The following PDE6D variants were observed in gnomAD, a reference collection of about 807,000 sequenced individuals.
PDE6D encodes retinal rod rhodopsin-sensitive cGMP 3',5'-cyclic phosphodiesterase subunit delta.
A neutral mutation model predicts 21.9 loss-of-function variants in PDE6D; 10 were observed. That is an observed-to-expected ratio of 0.46 (90% CI 0.28 to 0.78). PDE6D has a LOEUF of 0.78. Ranked by LOEUF, PDE6D falls within the 30% of genes least tolerant of loss-of-function variation. The pLI is 0.12. For synonymous variants in PDE6D, 59 were observed against 63.5 expected (o/e 0.93, Z 0.34); for missense variants, 139 against 184.8 (o/e 0.75, Z 1.44).
At chr2:231,770,027 A>G (rs1405026802) in intron 1 of PDE6D, among the ~76,000 whole-genome samples, 1 of 152,252 alleles carries the variant, frequency 6.6e-6, no homozygotes, top group East Asian at 1.9e-4. Flanking sequence ...AAGCCAGGAC[A>G]TGTTTGTTTA....
intron 4 of PDE6D, among the ~76,000 whole-genome samples, chr2:231,735,273 C>A: frequency 6.8e-6 from 1 of 146,988 alleles, no homozygotes; most frequent in African/African-American, 2.5e-5. Context: ...ACTTTTAAAA[C>A]TATTAAAACT....
rs529114127 is a variant in PDE6D, at chr2:231,733,506, T to G, written c.372-473A>C. ...GCCTTTGGGTAACAGCACCTTGCTC[T>G]TCATTTGGGAACCACCCTTCCTCCA... On this transcript the variant is annotated intron_variant, in intron 4 of 4. Transcript: ENST00000287600. 1.7e-4 allele frequency among the ~76,000 whole-genome samples: 26 copies of G among 152,288 alleles called. No individual in the cohort carries two copies. In the South Asian group the frequency reaches 5.4e-3, roughly 32 times the overall value.
At position 231,739,363 on chromosome 2, in the gene PDE6D, G is replaced by A; in HGVS notation, c.51-175C>T. 1.4e-6 allele frequency: 1 copy of A among 731,818 alleles called. No homozygotes were observed. Among genetic ancestry groups the A allele is most frequent in the Non-Finnish European group, 2.5e-6 (1 of 396,770 alleles). 45.3% of individuals were successfully genotyped at this position (731,818 alleles called of 1,614,324 possible). On this transcript the variant is annotated intron_variant, in intron 1 of 4. Transcript: ENST00000287600. The surrounding 1 kb of genome is among the most constrained non-coding windows in gnomAD (Gnocchi z 4.2). ...AGGAGAGTCAAAAAGACATCTAAAGGAAGAAGCAGAAACCTAGAGAAGTTA... is the reference window on the plus strand; with the variant it reads ...AGGAGAGTCAAAAAGACATCTAAAGAAAGAAGCAGAAACCTAGAGAAGTTA...
chr2:231,756,367 T>C (rs2048882492), intron 1 of PDE6D, among the ~76,000 whole-genome samples: 2 of 152,194 alleles, frequency 1.3e-5, no homozygotes, highest in Non-Finnish European at 2.9e-5. Context: ...ATAATGTACA[T>C]ATTAATGCAG....
intron 1 of PDE6D, chr2:231,768,708 T>G (rs1475905852): frequency 1.3e-5 from 2 of 151,992 alleles, no homozygotes; most frequent in African/African-American, 4.8e-5. Context: ...CAAGTGATAA[T>G]TCTTGAAGTC....
intron 1 of PDE6D, among the ~76,000 whole-genome samples, chr2:231,767,021 T>A (rs1965569): frequency 0.28 from 38,024 of 137,976 alleles, 5,246 homozygotes; most frequent in Non-Finnish European, 0.31. Context: ...AAAAAAAAGC[T>A]AAGTCAAAGA....
chr2:231,756,013 T>C lies in PDE6D; in HGVS notation c.51-16825A>G, dbSNP rs148011132. Among the ~76,000 whole-genome samples, 29 of 152,266 alleles carry C rather than the reference T, an allele frequency of 1.9e-4. No individual in the cohort carries two copies. In the East Asian group the frequency reaches 5.2e-3, roughly 27 times the overall value. Reference sequence around the variant, plus strand: ...TTATGTACAGATTCTGGTAGAGAAATGGTTAAAAGAGGTAAAAATGTGATG... The same window carrying C: ...TTATGTACAGATTCTGGTAGAGAAACGGTTAAAAGAGGTAAAAATGTGATG... On this transcript the variant is annotated intron_variant, in intron 1 of 4. Coordinates refer to ENST00000287600, the MANE Select transcript of PDE6D (RefSeq NM_002601.4).
chr2:231,740,764 T>C (rs1316291565), intron 1 of PDE6D, among the ~76,000 whole-genome samples: 2 of 145,902 alleles, frequency 1.4e-5, no homozygotes, highest in African/African-American at 5.1e-5. Flanking sequence ...AGTGTCTAAC[T>C]AATAGAAGTT....
intron 4 of PDE6D, among the ~76,000 whole-genome samples, chr2:231,734,132 G>T (rs1017435965): frequency 1.3e-5 from 2 of 151,642 alleles, no homozygotes; most frequent in African/African-American, 2.4e-5. Flanking sequence ...GAGAATGGTG[G>T]GAACCCGGGA....
intron 1 of PDE6D, 86 bp downstream of exon 1, chr2:231,780,979 G>T: frequency 8.3e-7 from 1 of 1,211,098 alleles, no homozygotes; most frequent in Non-Finnish European, 1.2e-6. Flanking sequence ...GGGCCCACCT[G>T]GCGCGGCCCC....
intron 1 of PDE6D, among the ~76,000 whole-genome samples, chr2:231,746,096 T>C (rs1467407914): frequency 6.6e-6 from 1 of 152,218 alleles, no homozygotes; most frequent in Non-Finnish European, 1.5e-5. Flanking sequence ...ATTTATTTTT[T>C]AGTTCATCAG....
intron 1 of PDE6D, among the ~76,000 whole-genome samples, chr2:231,745,907 G>A (rs1360774960): frequency 2.0e-5 from 3 of 151,998 alleles, no homozygotes; most frequent in Non-Finnish European, 4.4e-5. Context: ...GAATGGGAAG[G>A]GAAGGATTGG....
intron 1 of PDE6D, 61 bp downstream of exon 1, chr2:231,781,004 C>G (rs2049116498): frequency 6.9e-7 from 1 of 1,456,374 alleles, no homozygotes; most frequent in African/African-American, 1.4e-5. Context: ...CCCGGCCAGT[C>G]TCCTCAGTGA....
chr2:231,750,647 C>T (rs1167663818), intron 1 of PDE6D, among the ~76,000 whole-genome samples: 1 of 147,400 alleles, frequency 6.8e-6, no homozygotes, highest in Non-Finnish European at 1.5e-5. Context: ...GTGTGTGCCA[C>T]CATGCTCATC....
chr2:231,775,487 GT>G lies in PDE6D; in HGVS notation c.50+5577del, dbSNP rs57179824. 4.6e-3 allele frequency among the ~76,000 whole-genome samples: 632 copies of G among 136,470 alleles called. 6 individuals are homozygous for G. Among genetic ancestry groups the G allele is most frequent in the East Asian group, 0.034 (155 of 4,620 alleles). The allele number at this position is 136,470 out of a possible 152,430, so 89.5% of individuals were successfully genotyped here. A position where few individuals can be genotyped will look rare whatever the true frequency, so the allele number is the denominator to read the frequency against. On this transcript the variant is annotated intron_variant, in intron 1 of 4. Transcript: ENST00000287600. ...CCACACCTGGCTAATTTTTGTGTGT[GT>G]TTTTTTTTTTTTTTTGTAGAGGCGG...
intron 1 of PDE6D, among the ~76,000 whole-genome samples, chr2:231,767,126 T>C (rs1340548446): frequency 6.6e-6 from 1 of 151,090 alleles, no homozygotes; most frequent in Non-Finnish European, 1.5e-5. Flanking sequence ...GGCTCACAGG[T>C]ATCGAAGCTA....
chr2:231,764,887 C>A (rs1459976040), intron 1 of PDE6D, among the ~76,000 whole-genome samples: 1 of 152,152 alleles, frequency 6.6e-6, no homozygotes, highest in Non-Finnish European at 1.5e-5. Flanking sequence ...TCACACTAAG[C>A]AATAGAGGGA....
intron 2 of PDE6D, among the ~76,000 whole-genome samples, 171 bp from the exon 3 acceptor site, chr2:231,738,309 T>C (rs915023639): frequency 6.6e-6 from 1 of 152,174 alleles, no homozygotes; most frequent in Non-Finnish European, 1.5e-5. Flanking sequence ...GCATTACACT[T>C]TGTGTGGCTG....
At chr2:231,751,132 T>TA (rs530006427) in intron 1 of PDE6D, among the ~76,000 whole-genome samples, 21 of 151,196 alleles carry the variant, frequency 1.4e-4, no homozygotes, top group East Asian at 9.6e-4. Context: ...CTTTTTTTTT[T>TA]AAAAATAAAC....
Sources: allele counts gnomAD v4.1 joint callset (sites outside exome capture counted in the v4.1 genomes callset), GRCh38; gene constraint gnomAD v4.1.1; non-coding constraint Gnocchi (gnomAD v3.1); transcripts MANE v1.5; gene names NCBI Gene and HGNC (gene_info 2026-07-23, HGNC 2026-07-21).